The following CCBE1 variants were observed in gnomAD, a reference collection of about 807,000 sequenced individuals.
CCBE1 encodes collagen and calcium-binding EGF domain-containing protein 1.
In CCBE1, 37 loss-of-function variants were observed where a neutral mutation model predicts 50.0. The ratio of observed to expected loss-of-function variants is 0.74; its 90% confidence interval spans 0.57 to 0.97. CCBE1 has a LOEUF of 0.97. Among genes scored for constraint, CCBE1 ranks in the 50% least tolerant of loss-of-function variants. The pLI is 0.00. For missense variants in CCBE1, 538 were observed against 523.8 expected (o/e 1.03, Z -0.26); for synonymous variants, 234 against 203.7 (o/e 1.15, Z -1.27).
chr18:59,504,876 C>T (rs1247315177), intron 2 of CCBE1, among the ~76,000 whole-genome samples: 1 of 152,144 alleles, frequency 6.6e-6, no homozygotes, highest in East Asian at 1.9e-4. Context: ...CATTTGCTTT[C>T]TGTGCCATTT....
rs115699870 is a variant in CCBE1, at chr18:59,438,133, G to A, written c.965C>T (p.Ala322Val). The A allele has an allele frequency of 1.3e-5, 21 of 1,614,056 alleles. No homozygotes were observed. In the East Asian group the frequency reaches 3.1e-4, roughly 24 times the overall value. The change falls in exon 10 of 11, where the codon GCG (alanine) becomes GTG (valine). Residue 322 changes from alanine to valine, a missense_variant. By Grantham distance (64) the Ala-to-Val change is moderately conservative. Transcript: ENST00000439986. The stretch of plus-strand genomic sequence containing the variant: ...TACTGGAGACCCTCTGGGCCCAGGC[G>A]CTCCTCTCTCCCCCTAAAAACAGAA... The part of the protein sequence containing the change: ...GRDGSKGERG[A>V]PGPRGSPGPP...
chr18:59,586,963 G>A (rs939485575), intron 2 of CCBE1, among the ~76,000 whole-genome samples: 1 of 151,906 alleles, frequency 6.6e-6, no homozygotes, highest in Non-Finnish European at 1.5e-5. Context: ...AAAAAACAGA[G>A]GGCAGATATG....
chr18:59,439,346 T>C (rs755771455), intron 9 of CCBE1, among the ~76,000 whole-genome samples, 197 bp downstream of exon 9: 5 of 151,632 alleles, frequency 3.3e-5, no homozygotes, highest in African/African-American at 4.9e-5. Flanking sequence ...ACACCTGTGG[T>C]CCCAGCTGCT....
At chr18:59,584,256 A>C (rs1463945142) in intron 2 of CCBE1, among the ~76,000 whole-genome samples, 1 of 150,856 alleles carries the variant, frequency 6.6e-6, no homozygotes, top group Admixed American at 6.6e-5. Flanking sequence ...AAGGACAAAA[A>C]ACCAAACACC....
At chr18:59,653,675 C>T (rs1332850300) in intron 2 of CCBE1, among the ~76,000 whole-genome samples, 1 of 152,110 alleles carries the variant, frequency 6.6e-6, no homozygotes, top group Non-Finnish European at 1.5e-5. Context: ...CTCTATGCCT[C>T]CCAATAGAGT....
At chr18:59,515,785 C>A (rs1248552769) in intron 2 of CCBE1, among the ~76,000 whole-genome samples, 1 of 152,128 alleles carries the variant, frequency 6.6e-6, no homozygotes, top group Non-Finnish European at 1.5e-5. Flanking sequence ...GCCTCTGCCA[C>A]TTTCCAGCTA....
chr18:59,674,439 G>C (rs1453380862), intron 2 of CCBE1, among the ~76,000 whole-genome samples: 1 of 152,084 alleles, frequency 6.6e-6, no homozygotes, highest in Non-Finnish European at 1.5e-5. Flanking sequence ...TGGATACAGG[G>C]AGGGAAACAT....
chr18:59,523,138 T>A (rs970300025), intron 2 of CCBE1, among the ~76,000 whole-genome samples: 2 of 151,864 alleles, frequency 1.3e-5, no homozygotes, highest in African/African-American at 4.8e-5. Flanking sequence ...CAATGACTAC[T>A]CCTATAAGCA....
intron 2 of CCBE1, among the ~76,000 whole-genome samples, chr18:59,545,201 A>G (rs1384902976): frequency 2.0e-5 from 3 of 152,226 alleles, no homozygotes; most frequent in Non-Finnish European, 4.4e-5. Context: ...CGCTGTAAAT[A>G]TATGCATCTC....
At chr18:59,591,673 G>C (rs1223283061) in intron 2 of CCBE1, among the ~76,000 whole-genome samples, 1 of 152,178 alleles carries the variant, frequency 6.6e-6, no homozygotes, top group Non-Finnish European at 1.5e-5. Flanking sequence ...TGAGGCTGTA[G>C]AGAAACAGGC....
At chr18:59,474,403 T>G (rs1399550035) in intron 3 of CCBE1, among the ~76,000 whole-genome samples, 1 of 152,206 alleles carries the variant, frequency 6.6e-6, no homozygotes, top group Non-Finnish European at 1.5e-5. Flanking sequence ...TGTAAGTGAT[T>G]TGGCCAGTGC....
At chr18:59,485,196 T>C (rs529446421) in intron 2 of CCBE1, among the ~76,000 whole-genome samples, 1 of 152,320 alleles carries the variant, frequency 6.6e-6, no homozygotes, top group South Asian at 2.1e-4. Context: ...AAGGGTGATA[T>C]CTTGTAATCA....
At chr18:59,488,046 T>C (rs1912905860) in intron 2 of CCBE1, among the ~76,000 whole-genome samples, 1 of 152,224 alleles carries the variant, frequency 6.6e-6, no homozygotes. Context: ...ACAACATGGA[T>C]GAACCTTGAA....
At chr18:59,596,906 G>A (rs1182625160) in intron 2 of CCBE1, among the ~76,000 whole-genome samples, 1 of 152,196 alleles carries the variant, frequency 6.6e-6, no homozygotes, top group Non-Finnish European at 1.5e-5. Context: ...GACAGTACCA[G>A]GAGAACATGT....
intron 6 of CCBE1, among the ~76,000 whole-genome samples, chr18:59,453,377 T>C (rs1434600817): frequency 6.6e-6 from 1 of 152,256 alleles, no homozygotes; most frequent in African/African-American, 2.4e-5. Flanking sequence ...CTGTGTTGGA[T>C]GTATTTATTT....
intron 2 of CCBE1, among the ~76,000 whole-genome samples, chr18:59,694,177 TTTTTTAAAGTCA>T (rs1203570288): frequency 1.3e-5 from 2 of 152,116 alleles, no homozygotes; most frequent in Non-Finnish European, 2.9e-5. Flanking sequence ...GCCTAGTAAC[TTTTTTAAAGTCA>T]TTTTTAAACA....
rs199884763 is a variant in CCBE1 at position 59,458,675 on chromosome 18, T to C, written c.554-3724A>G. Among the ~76,000 whole-genome samples the C allele has an allele frequency of 7.9e-5, 12 of 152,350 alleles. No homozygotes were observed. In the East Asian group the frequency reaches 1.2e-3, roughly 15 times the overall value. The stretch of plus-strand genomic sequence containing the variant: ...ACCACGAACTCAACTGGGTCCCAGC[T>C]GGCCGTTTTGGAGGAGTGGGTGCAC... On this transcript the variant is annotated intron_variant, in intron 5 of 10. Transcript: ENST00000439986.
At chr18:59,450,636 T>G (rs752830159) in intron 6 of CCBE1, among the ~76,000 whole-genome samples, 42 of 152,196 alleles carry the variant, frequency 2.8e-4, no homozygotes, top group Non-Finnish European at 5.3e-4. Context: ...CAGGTTCAAG[T>G]GATTCTCCTG....
chr18:59,651,570 A>C (rs1381737282), intron 2 of CCBE1, among the ~76,000 whole-genome samples: 1 of 152,232 alleles, frequency 6.6e-6, no homozygotes, highest in African/African-American at 2.4e-5. Flanking sequence ...GCTATGGCTC[A>C]GCAGACCTTA....
Sources: gnomAD v4.1 joint callset for allele counts (sites outside exome capture counted in the v4.1 genomes callset) on GRCh38, gnomAD v4.1.1 for gene constraint, MANE v1.5 for transcripts, NCBI Gene and HGNC (gene_info 2026-07-23, HGNC 2026-07-21) for gene names.